The following DGKH variants were observed in gnomAD, a reference collection of about 807,000 sequenced individuals.
DGKH encodes the protein DAG kinase eta.
A neutral mutation model predicts 159.3 loss-of-function variants in DGKH; 90 were observed. The ratio of observed to expected loss-of-function variants is 0.57; its 90% CI spans 0.48 to 0.67. The LOEUF (loss-of-function observed/expected upper bound fraction) is 0.67, where lower values mean the gene tolerates loss of function less well. Ranked by LOEUF, DGKH falls within the 30% of genes least tolerant of loss-of-function variation. DGKH has a pLI of 0.00. For missense variants in DGKH, 1,181 were observed against 1,506.1 expected, an observed-to-expected ratio of 0.78 and a Z score of 3.57; for synonymous variants, 536 against 553.8, an observed-to-expected ratio of 0.97 and a Z score of 0.45.
chr13:42,191,744 G>C (rs1020164552), intron 16 of DGKH, among the ~76,000 whole-genome samples: 1 of 152,018 alleles, frequency 6.6e-6, no homozygotes, highest in African/African-American at 2.4e-5. Flanking sequence ...TTAATATGTT[G>C]TTGCTAAATT....
downstream of DGKH, chr13:42,256,579 A>T (rs931053489): frequency 5.0e-5 from 33 of 655,908 alleles, no homozygotes; most frequent in African/African-American, 4.2e-4. Flanking sequence ...ATAATTTTTT[A>T]AAAAACTGAT....
chr13:42,200,255 T>C (rs1003627595), intron 20 of DGKH, among the ~76,000 whole-genome samples: 1 of 152,216 alleles, frequency 6.6e-6, no homozygotes, highest in Non-Finnish European at 1.5e-5. Flanking sequence ...CAAAAGTTTT[T>C]CAAATCCCTG....
chr13:42,192,277 A>G (rs766580124), intron 16 of DGKH, among the ~76,000 whole-genome samples: 11 of 152,156 alleles, frequency 7.2e-5, no homozygotes, highest in Non-Finnish European at 1.2e-4. Context: ...GATGGCCACA[A>G]GCCTTAGGAC....
intron 1 of DGKH, among the ~76,000 whole-genome samples, chr13:42,078,425 C>T (rs770060615): frequency 3.9e-5 from 6 of 152,212 alleles, no homozygotes; most frequent in Non-Finnish European, 7.3e-5. Flanking sequence ...TCACTGCAAA[C>T]ACATACTTCT....
chr13:42,176,636 C>G (rs1292370366), intron 12 of DGKH, among the ~76,000 whole-genome samples: 1 of 152,036 alleles, frequency 6.6e-6, no homozygotes, highest in Non-Finnish European at 1.5e-5. Flanking sequence ...TGGGAAGAGT[C>G]TAGTCAGGAA....
intron 3 of DGKH, among the ~76,000 whole-genome samples, chr13:42,147,394 A>G (rs894210695): frequency 6.6e-6 from 1 of 152,226 alleles, no homozygotes; most frequent in Non-Finnish European, 1.5e-5. Flanking sequence ...AGTTTTTAGC[A>G]TACTCAAATA....
chr13:42,076,868 G>A (rs1954110292), intron 1 of DGKH, among the ~76,000 whole-genome samples: 1 of 152,134 alleles, frequency 6.6e-6, no homozygotes, highest in Admixed American at 6.5e-5. Context: ...TGTAGGATGA[G>A]AAAGAAGTTA....
At chr13:42,219,619 A>G in intron 27 of DGKH, 67 bp from the exon 28 acceptor site, 1 of 1,369,156 alleles carries the variant, frequency 7.3e-7, no homozygotes, top group South Asian at 1.3e-5. Context: ...TGTTATCCCT[A>G]TTATCAGAGT....
chr13:42,172,516 CTCATAGG>C, intron 11 of DGKH, among the ~76,000 whole-genome samples: 1 of 152,264 alleles, frequency 6.6e-6, no homozygotes, highest in African/African-American at 2.4e-5. Flanking sequence ...AATATTTATT[CTCATAGG>C]CTGAATGATA....
At chr13:42,058,246 G>A (rs1055688793) in intron 1 of DGKH, among the ~76,000 whole-genome samples, 1 of 152,144 alleles carries the variant, frequency 6.6e-6, no homozygotes, top group Admixed American at 6.5e-5. Flanking sequence ...TAAGTGAAAT[G>A]ACATATAACA....
In DGKH at chr13:42,231,585, A is replaced by T. The variant is rs1958294196; in HGVS notation, c.*2397A>T. On this transcript the variant is annotated 3_prime_UTR_variant, in exon 30 of 30. Transcript: ENST00000337343. ...AAAAAAAGGAAATGTGAGGGAAAGA[A>T]GGGGAAGAACTCTAGCATAAATAAT... 6.6e-6 allele frequency: 1 copy of T among 152,170 alleles called. No individual in the cohort carries two copies. The highest frequency in any genetic ancestry group is 2.4e-5 in the African/African-American group (1 of 41,428). The allele number at this position is 152,170 out of a possible 1,614,324, so 9.4% of individuals were successfully genotyped here. A position where few individuals can be genotyped will look rare whatever the true frequency, so the allele number is the denominator to read the frequency against.
chr13:42,165,397 A>T lies in DGKH; in HGVS notation c.922A>T (p.Ile308Leu). ...CPLGQCKVSI[I>L]PPIALNSTDS... is the part of the protein sequence containing the mutation. ...ACTTGGTCAATGTAAAGTATCTATC[A>T]TACCTCCAATTGCACTAAACAGCAC... The change falls in exon 8 of 30, where the codon ATA (isoleucine) becomes TTA (leucine). Residue 308 changes from isoleucine to leucine, a missense_variant. Ile to Leu is a conservative substitution (Grantham distance 5, BLOSUM62 2). Transcript: ENST00000337343. 1 of 1,593,278 alleles carries T rather than the reference A, an allele frequency of 6.3e-7. No homozygotes were observed.
At chr13:42,158,971 T>C (rs952453684) in intron 5 of DGKH, among the ~76,000 whole-genome samples, 11 of 152,130 alleles carry the variant, frequency 7.2e-5, no homozygotes, top group African/African-American at 2.4e-4. Flanking sequence ...CTCTCTCCTA[T>C]GTGTGTGTTG....
intron 11 of DGKH, among the ~76,000 whole-genome samples, chr13:42,171,798 T>C (rs1956461369): frequency 6.6e-6 from 1 of 151,726 alleles, no homozygotes; most frequent in African/African-American, 2.4e-5. Flanking sequence ...CATGGATAAA[T>C]GATGGCTTTT....
intron 1 of DGKH, among the ~76,000 whole-genome samples, chr13:42,042,377 T>A (rs1364428169): frequency 6.6e-6 from 1 of 152,164 alleles, no homozygotes; most frequent in East Asian, 1.9e-4. Context: ...ATTTAGAAAA[T>A]TAGATAATTT....
At chr13:42,051,635 C>A (rs1158380077) in intron 1 of DGKH, among the ~76,000 whole-genome samples, 1 of 141,186 alleles carries the variant, frequency 7.1e-6, no homozygotes, top group East Asian at 2.1e-4. Flanking sequence ...CTAAGATTAG[C>A]TCAAAGCCAT....
intron 16 of DGKH, among the ~76,000 whole-genome samples, chr13:42,190,926 G>C (rs1291384126): frequency 6.6e-6 from 1 of 152,170 alleles, no homozygotes; most frequent in Admixed American, 6.5e-5. Context: ...AGAAAATTTG[G>C]CATTTAAGTG....
intron 3 of DGKH, among the ~76,000 whole-genome samples, chr13:42,151,540 T>C (rs1955893523): frequency 7.4e-6 from 1 of 134,502 alleles, no homozygotes; most frequent in Non-Finnish European, 1.6e-5. Flanking sequence ...TGTATATATA[T>C]ATATACACGT....
At chr13:42,096,984 G>A (rs909993030) in intron 1 of DGKH, among the ~76,000 whole-genome samples, 2 of 152,132 alleles carry the variant, frequency 1.3e-5, no homozygotes, top group African/African-American at 2.4e-5. Context: ...TCAGACCATT[G>A]AAGGCATTGT....
Sources: gnomAD v4.1 joint callset for allele counts (sites outside exome capture counted in the v4.1 genomes callset) on GRCh38, gnomAD v4.1.1 for gene constraint, MANE v1.5 for transcripts, NCBI Gene and HGNC (gene_info 2026-07-23, HGNC 2026-07-21) for gene names.